The following CACNA2D3 variants were observed in gnomAD, a reference collection of about 807,000 sequenced individuals.
CACNA2D3 encodes the protein calcium voltage-gated channel auxiliary subunit alpha2delta 3, also known as voltage-dependent calcium channel subunit alpha-2/delta-3.
CACNA2D3 carries 60 observed loss-of-function variants against 160.6 expected under a neutral mutation model. The observed-to-expected ratio is 0.37, with a 90% confidence interval of 0.30 to 0.46. The LOEUF (loss-of-function observed/expected upper bound fraction) is 0.46, where lower values mean the gene tolerates loss of function less well. CACNA2D3 is among the 20% of genes least tolerant of loss of function. The pLI is 1.00. For missense variants in CACNA2D3, 1,205 were observed against 1,365.0 expected, an observed-to-expected ratio of 0.88 and a Z score of 1.85; for synonymous variants, 558 against 492.9, an observed-to-expected ratio of 1.13 and a Z score of -1.75.
At chr3:54,563,905 G>C (rs1702367282) in intron 6 of CACNA2D3, among the ~76,000 whole-genome samples, 2 of 152,140 alleles carry the variant, frequency 1.3e-5, no homozygotes, top group African/African-American at 4.8e-5. Flanking sequence ...TGCTTTGCCA[G>C]ATTACAGAAC....
At chr3:54,563,530 G>A (rs1045735905) in intron 6 of CACNA2D3, among the ~76,000 whole-genome samples, 1 of 152,304 alleles carries the variant, frequency 6.6e-6, no homozygotes, top group African/African-American at 2.4e-5. Context: ...TTTGGAACAG[G>A]TGTTCCTTCT....
At chr3:54,367,976 G>T (rs1698855511) in intron 3 of CACNA2D3, among the ~76,000 whole-genome samples, 1 of 152,146 alleles carries the variant, frequency 6.6e-6, no homozygotes, top group South Asian at 2.1e-4. Context: ...AGAAAAATGC[G>T]CTGTTGGTGG....
At chr3:54,903,193 C>T (rs1700378461) in intron 27 of CACNA2D3, among the ~76,000 whole-genome samples, 1 of 152,070 alleles carries the variant, frequency 6.6e-6, no homozygotes, top group South Asian at 2.1e-4. Flanking sequence ...TTTCCTGATC[C>T]TCTCCCTCCT....
rs139875240 is a variant in CACNA2D3, at chr3:54,573,851, G to A, written c.888+3747G>A. On this transcript the variant is annotated intron_variant, in intron 8 of 37. Transcript: ENST00000474759. ...AAGTGTGTTCTGCGAATTTTGCCTC[G>A]TTGAATTCTTATTCTTTTTTCCTCC... Among the ~76,000 whole-genome samples the A allele has an allele frequency of 3.8e-3, 575 of 152,260 alleles. 3 individuals are homozygous for A. Among genetic ancestry groups the A allele is most frequent in the Middle Eastern group, 0.01 (3 of 294 alleles).
At position 54,570,128 on chromosome 3, in the gene CACNA2D3, C is replaced by G. The variant is rs753647554; in HGVS notation, c.888+24C>G. 9.3e-6 allele frequency: 15 copies of G among 1,605,746 alleles called. No individual in the cohort carries two copies. In the South Asian group the frequency reaches 1.7e-4, roughly 18 times the overall value. On this transcript the variant is annotated intron_variant, in intron 8 of 37. Coordinates refer to ENST00000474759, the MANE Select transcript of CACNA2D3 (RefSeq NM_018398.3). The stretch of plus-strand genomic sequence containing the variant: ...CTGTGAGTGCACCGTTTTGTGCCTT[C>G]TTTGCACTTGGGTTCATTTGATCTT...
intron 2 of CACNA2D3, among the ~76,000 whole-genome samples, chr3:54,193,989 A>G (rs367800993): frequency 6.6e-6 from 1 of 152,078 alleles, no homozygotes; most frequent in African/African-American, 2.4e-5. Context: ...CAAATGTTGC[A>G]TGTTCTCAGT....
At chr3:54,524,022 A>C (rs1701687614) in intron 5 of CACNA2D3, among the ~76,000 whole-genome samples, 1 of 149,782 alleles carries the variant, frequency 6.7e-6, no homozygotes, top group South Asian at 2.1e-4. Flanking sequence ...AGTCTTTATT[A>C]TTTCTTTCCT....
At chr3:54,981,313 GAACA>G (rs1444005240) in intron 29 of CACNA2D3, among the ~76,000 whole-genome samples, 1 of 152,058 alleles carries the variant, frequency 6.6e-6, no homozygotes, top group African/African-American at 2.4e-5. Flanking sequence ...TTTTATGACA[GAACA>G]ATACAGAAAG....
At chr3:54,556,587 T>C (rs773742055) in intron 5 of CACNA2D3, among the ~76,000 whole-genome samples, 2 of 152,176 alleles carry the variant, frequency 1.3e-5, no homozygotes, top group African/African-American at 2.4e-5. Flanking sequence ...AGAAAGCTAA[T>C]TCAGTACCTT....
chr3:54,665,789 ATT>A (rs535697929), intron 11 of CACNA2D3, among the ~76,000 whole-genome samples: 49 of 134,494 alleles, frequency 3.6e-4, no homozygotes, highest in Admixed American at 4.5e-4. Flanking sequence ...GAGGATGGTT[ATT>A]TTTTTTTTTT....
intron 5 of CACNA2D3, among the ~76,000 whole-genome samples, chr3:54,529,220 T>C (rs1275326552): frequency 2.0e-5 from 3 of 152,256 alleles, no homozygotes; most frequent in Non-Finnish European, 2.9e-5. Flanking sequence ...TTTTTTTGTA[T>C]AAACGTGGGC....
intron 9 of CACNA2D3, among the ~76,000 whole-genome samples, chr3:54,619,106 C>T (rs1307151893): frequency 6.6e-6 from 1 of 152,240 alleles, no homozygotes; most frequent in Non-Finnish European, 1.5e-5. Context: ...ACAACACAGG[C>T]GTCCTGTCCA....
At chr3:54,840,916 G>A (rs1389154202) in intron 16 of CACNA2D3, among the ~76,000 whole-genome samples, 2 of 150,488 alleles carry the variant, frequency 1.3e-5, no homozygotes, top group African/African-American at 4.9e-5. Context: ...TAGAGATGGG[G>A]TTTCACCATG....
intron 2 of CACNA2D3, among the ~76,000 whole-genome samples, chr3:54,319,866 G>GT (rs1015613694): frequency 1.2e-4 from 18 of 152,120 alleles, no homozygotes; most frequent in South Asian, 2.1e-4. Flanking sequence ...AGGAGTAGCT[G>GT]TTTTTCATTT....
intron 9 of CACNA2D3, among the ~76,000 whole-genome samples, chr3:54,611,447 T>C (rs1177122100): frequency 3.3e-5 from 5 of 152,230 alleles, no homozygotes; most frequent in South Asian, 4.1e-4. Flanking sequence ...ACAGATAGGG[T>C]CACCTTAGCC....
At chr3:54,307,044 G>T (rs926374902) in intron 2 of CACNA2D3, among the ~76,000 whole-genome samples, 5 of 152,130 alleles carry the variant, frequency 3.3e-5, no homozygotes, top group Non-Finnish European at 5.9e-5. Context: ...AAGCTCTGCC[G>T]TCTGATGCCG....
chr3:54,810,323 G>A (rs375563254), intron 13 of CACNA2D3, among the ~76,000 whole-genome samples: 1 of 152,200 alleles, frequency 6.6e-6, no homozygotes, highest in South Asian at 2.1e-4. Flanking sequence ...ATGGTGTGGG[G>A]TGGCAGAAGT....
At chr3:54,699,995 G>A (rs1453547996) in intron 11 of CACNA2D3, among the ~76,000 whole-genome samples, 6 of 152,164 alleles carry the variant, frequency 3.9e-5, no homozygotes, top group African/African-American at 7.2e-5. Context: ...TAACCTGTGC[G>A]TGACACAGGT....
chr3:54,503,360 A>T, intron 4 of CACNA2D3, 132 bp from the exon 5 acceptor site: 3 of 725,166 alleles, frequency 4.1e-6, no homozygotes, highest in South Asian at 1.8e-5. Context: ...AGTACATAAG[A>T]CATAAAAAGA....
Sources: allele counts gnomAD v4.1 joint callset (sites outside exome capture counted in the v4.1 genomes callset), GRCh38; gene constraint gnomAD v4.1.1; transcripts MANE v1.5; gene names NCBI Gene and HGNC (gene_info 2026-07-23, HGNC 2026-07-21).